The following IQSEC1 variants were observed in gnomAD, a reference collection of about 807,000 sequenced individuals.
IQSEC1 encodes IQ motif and Sec7 domain ArfGEF 1.
A neutral mutation model predicts 91.0 loss-of-function variants in IQSEC1; 31 were observed. The ratio of observed to expected loss-of-function variants is 0.34; its 90% confidence interval spans 0.26 to 0.46. The LOEUF is 0.46. IQSEC1 is among the 20% of genes least tolerant of loss of function. The pLI is 1.00. For missense variants in IQSEC1, 1,388 were observed against 1,575.6 expected, an observed-to-expected ratio of 0.88 and a Z score of 2.02; for synonymous variants, 699 against 662.6, an observed-to-expected ratio of 1.05 and a Z score of -0.84.
chr3:12,932,739 T>C (rs1465333874), intron 3 of IQSEC1, among the ~76,000 whole-genome samples: 12 of 152,282 alleles, frequency 7.9e-5, no homozygotes, highest in African/African-American at 2.9e-4. Flanking sequence ...GTCCCACAGC[T>C]GATAGGTGGC....
intron 1 of IQSEC1, among the ~76,000 whole-genome samples, chr3:13,199,948 C>CCATA (rs1694209504): frequency 6.8e-6 from 1 of 148,038 alleles, no homozygotes; most frequent in East Asian, 2.0e-4. Flanking sequence ...CACACACACA[C>CCATA]CATACACACA....
intron 1 of IQSEC1, among the ~76,000 whole-genome samples, chr3:13,050,354 C>G (rs1053838533): frequency 2.0e-5 from 3 of 152,106 alleles, no homozygotes; most frequent in Non-Finnish European, 4.4e-5. Flanking sequence ...CAGAGAGAAC[C>G]CTCAGCCCAG....
chr3:13,131,450 A>T (rs2124917809), intron 2 of IQSEC1, among the ~76,000 whole-genome samples: 2 of 129,986 alleles, frequency 1.5e-5, no homozygotes, highest in African/African-American at 2.9e-5. Flanking sequence ...TAATGTGGTT[A>T]TTGAAATGTT....
rs2125524832 is a variant in IQSEC1 at position 12,967,638 on chromosome 3, C to T, written c.24-25773G>A. 2.5e-6 allele frequency: 3 copies of T among 1,223,210 alleles called. No homozygotes were observed. The highest frequency in any genetic ancestry group is 3.2e-5 in the African/African-American group (2 of 63,156). 75.8% of individuals were successfully genotyped at this position (1,223,210 alleles called of 1,614,324 possible). On this transcript the variant is annotated intron_variant, in intron 1 of 13. Coordinates refer to ENST00000613206, the MANE Select transcript of IQSEC1 (RefSeq NM_001134382.3). This position sits in a 1 kb window ranked among gnomAD's most constrained non-coding sequence, Gnocchi z 5.9. ...CCGCCGGCTCCCGCGGCTCCGGCCCCAAGTCCGAGCCCCAGGCCAGCCAAG... is the reference window on the plus strand; with the variant it reads ...CCGCCGGCTCCCGCGGCTCCGGCCCTAAGTCCGAGCCCCAGGCCAGCCAAG...
chr3:12,929,620 C>T (rs1488847308), intron 3 of IQSEC1, among the ~76,000 whole-genome samples: 1 of 152,222 alleles, frequency 6.6e-6, no homozygotes, highest in African/African-American at 2.4e-5. Context: ...GATGCCCTTC[C>T]TGCTGCTGAA....
chr3:13,250,012 A>T (rs976279611), intron 1 of IQSEC1, among the ~76,000 whole-genome samples: 1 of 152,234 alleles, frequency 6.6e-6, no homozygotes, highest in South Asian at 2.1e-4. Context: ...TGAGGTTCTA[A>T]GATTTTGCCT....
chr3:13,172,807 G>T (rs1648698732), intron 1 of IQSEC1, among the ~76,000 whole-genome samples: 1 of 152,186 alleles, frequency 6.6e-6, no homozygotes. Context: ...CCAGTACGGT[G>T]AGCTCTGCCG....
At chr3:13,065,085 A>T (rs975485090) in intron 1 of IQSEC1, among the ~76,000 whole-genome samples, 1 of 152,216 alleles carries the variant, frequency 6.6e-6, no homozygotes, top group Non-Finnish European at 1.5e-5. Flanking sequence ...GGCTTCCTTC[A>T]TGGAGGCCCC....
At chr3:13,245,514 C>A (rs889116191) in intron 1 of IQSEC1, among the ~76,000 whole-genome samples, 1 of 152,192 alleles carries the variant, frequency 6.6e-6, no homozygotes. Flanking sequence ...CGCCTGTAAT[C>A]CCAGCCCTTT....
intron 2 of IQSEC1, among the ~76,000 whole-genome samples, chr3:13,121,111 G>A (rs1233390272): frequency 6.6e-6 from 1 of 152,164 alleles, no homozygotes; most frequent in East Asian, 1.9e-4. Context: ...TATCACAGTC[G>A]CTGCCCTATG....
At chr3:12,949,777 G>A (rs1289703649) in intron 1 of IQSEC1, among the ~76,000 whole-genome samples, 2 of 152,178 alleles carry the variant, frequency 1.3e-5, no homozygotes, top group Admixed American at 6.5e-5. Flanking sequence ...GGGCGGGTGG[G>A]GGCACATCCT....
intron 2 of IQSEC1, among the ~76,000 whole-genome samples, chr3:13,095,241 C>T (rs1298999520): frequency 6.6e-6 from 1 of 152,042 alleles, no homozygotes; most frequent in Non-Finnish European, 1.5e-5. Context: ...CCTGAAGGCC[C>T]CAGGGAGTTG....
chr3:12,966,277 T>C (rs756351858), intron 1 of IQSEC1, among the ~76,000 whole-genome samples: 6 of 152,178 alleles, frequency 3.9e-5, no homozygotes, highest in Non-Finnish European at 5.9e-5. Flanking sequence ...GCTCCAGGCC[T>C]CTGGGGTGAG....
intron 1 of IQSEC1, among the ~76,000 whole-genome samples, chr3:13,062,007 C>T (rs1215045814): frequency 6.6e-6 from 1 of 152,158 alleles, no homozygotes; most frequent in Non-Finnish European, 1.5e-5. Flanking sequence ...GGGGCTGAAG[C>T]CTCCACACAG....
At chr3:13,065,220 G>A (rs1449253524) in intron 1 of IQSEC1, among the ~76,000 whole-genome samples, 1 of 152,218 alleles carries the variant, frequency 6.6e-6, no homozygotes, top group Non-Finnish European at 1.5e-5. Flanking sequence ...CAAAACAGTG[G>A]TGGGAAAACT....
chr3:13,262,661 A>T (rs1695409705), intron 1 of IQSEC1, among the ~76,000 whole-genome samples: 1 of 152,272 alleles, frequency 6.6e-6, no homozygotes, highest in Non-Finnish European at 1.5e-5. Flanking sequence ...GGAAACACCC[A>T]ACTGTGCAGC....
chr3:13,245,089 AC>A (rs556573789), intron 1 of IQSEC1, among the ~76,000 whole-genome samples: 178 of 152,328 alleles, frequency 1.2e-3, no homozygotes, highest in African/African-American at 3.9e-3. Flanking sequence ...TCATGAGTCT[AC>A]AGGTGAGCCA....
intron 2 of IQSEC1, among the ~76,000 whole-genome samples, chr3:13,124,850 C>T (rs1706485312): frequency 6.6e-6 from 1 of 152,172 alleles, no homozygotes. Flanking sequence ...CCACACAGCA[C>T]CTGCCAGCAG....
At chr3:13,060,484 G>A (rs949331359) in intron 1 of IQSEC1, among the ~76,000 whole-genome samples, 1 of 152,218 alleles carries the variant, frequency 6.6e-6, no homozygotes, top group Non-Finnish European at 1.5e-5. Flanking sequence ...CAGTCTCAGG[G>A]CCTGACTCCA....
Sources: gnomAD v4.1 joint callset for allele counts (sites outside exome capture counted in the v4.1 genomes callset) on GRCh38, gnomAD v4.1.1 for gene constraint, Gnocchi (gnomAD v3.1) non-coding constraint, MANE v1.5 for transcripts, NCBI Gene and HGNC (gene_info 2026-07-23, HGNC 2026-07-21) for gene names.